NRXN3: variants seen among roughly 807,000 people sequenced by gnomAD.
NRXN3 encodes the protein neurexin 3, also known as neurexin III.
A neutral mutation model predicts 137.6 loss-of-function variants in NRXN3; 32 were observed. The ratio of observed to expected loss-of-function variants is 0.23; its 90% CI spans 0.18 to 0.31. NRXN3 has a LOEUF of 0.31. Among genes scored for constraint, NRXN3 ranks in the 10% least tolerant of loss-of-function variants. The pLI is 1.00. For synonymous variants in NRXN3, 798 were observed against 784.5 expected (o/e 1.02, Z -0.29); for missense variants, 1,574 against 2,062.5 (o/e 0.76, Z 4.59).
rs2098444689 is a variant in NRXN3, at chr14:79,644,263, C to T, written c.3445-19515C>T. Among the ~76,000 whole-genome samples the T allele has an allele frequency of 1.5e-5, 2 of 135,402 alleles. 1 individual carries two copies. Among genetic ancestry groups the T allele is most frequent in the Admixed American group, 1.6e-4 (2 of 12,786 alleles). 88.8% of individuals were successfully genotyped at this position (135,402 alleles called of 152,430 possible). A position where few individuals can be genotyped will look rare whatever the true frequency, so the allele number is the denominator to read the frequency against. On this transcript the variant is annotated intron_variant, in intron 16 of 20. Coordinates refer to ENST00000335750, the MANE Select transcript of NRXN3 (RefSeq NM_001330195.2). ...ATTACATATGTACTATTTTTTATCT[C>T]TATAAGTATTCTAGTTTGTCTAGAT...
chr14:78,890,967 A>G (rs2099157188), intron 10 of NRXN3, among the ~76,000 whole-genome samples: 1 of 151,974 alleles, frequency 6.6e-6, no homozygotes, highest in Non-Finnish European at 1.5e-5. Context: ...AAAATATGCT[A>G]AAAGTAAGGC....
chr14:79,467,137 T>G, intron 15 of NRXN3, 84 bp from the exon 16 acceptor site: 1 of 1,308,752 alleles, frequency 7.6e-7, no homozygotes, highest in Non-Finnish European at 1.0e-6. Context: ...CTGCAGCTGT[T>G]CTGTGTAGGG....
chr14:79,271,903 T>C (rs2153426687), intron 15 of NRXN3, among the ~76,000 whole-genome samples: 1 of 152,322 alleles, frequency 6.6e-6, no homozygotes, highest in African/African-American at 2.4e-5. Flanking sequence ...CTCAAAACTA[T>C]TCTATGAGGT....
At chr14:78,509,242 T>C (rs769796445) in intron 4 of NRXN3, among the ~76,000 whole-genome samples, 2 of 152,120 alleles carry the variant, frequency 1.3e-5, no homozygotes, top group Non-Finnish European at 2.9e-5. Flanking sequence ...GAGGTTACAG[T>C]GAGCCAAGAT....
In NRXN3 at chr14:78,300,555, A is replaced by ATGTCTCTTTGTGTGTTTGC; in HGVS notation, c.757+2696_757+2714dup. Reference sequence around the variant, plus strand: ...TGTGAGTTTTTGTTTTGTGTGTTTTATGTCTCTTTGTGTGTTTGCAGTGTG... The same window carrying ATGTCTCTTTGTGTGTTTGC: ...TGTGAGTTTTTGTTTTGTGTGTTTTATGTCTCTTTGTGTGTTTGCTGTCTCTTTGTGTGTTTGCAGTGTG... On this transcript the variant is annotated intron_variant, in intron 4 of 20. Transcript: ENST00000335750. 3 of 637,870 alleles carry ATGTCTCTTTGTGTGTTTGC rather than the reference A, an allele frequency of 4.7e-6. No individual in the cohort carries two copies. In the East Asian group the frequency reaches 8.3e-5, roughly 18 times the overall value. 39.5% of individuals were successfully genotyped at this position (637,870 alleles called of 1,614,324 possible).
At chr14:79,428,196 A>G (rs2095687306) in intron 15 of NRXN3, among the ~76,000 whole-genome samples, 1 of 152,156 alleles carries the variant, frequency 6.6e-6, no homozygotes, top group South Asian at 2.1e-4. Flanking sequence ...TCTGATTTCA[A>G]ATAGCCCATT....
At chr14:79,816,402 T>A (rs1305237577) in intron 20 of NRXN3, among the ~76,000 whole-genome samples, 3 of 152,206 alleles carry the variant, frequency 2.0e-5, no homozygotes, top group Admixed American at 6.5e-5. Context: ...AAATGGAGTT[T>A]AAATGTATTA....
intron 10 of NRXN3, among the ~76,000 whole-genome samples, chr14:78,944,254 A>G (rs2099360970): frequency 6.6e-6 from 1 of 152,188 alleles, no homozygotes; most frequent in African/African-American, 2.4e-5. Context: ...GCACCAGTTT[A>G]CAGTGTAGAG....
intron 4 of NRXN3, among the ~76,000 whole-genome samples, chr14:78,388,612 T>C (rs1417465190): frequency 2.0e-5 from 3 of 152,192 alleles, no homozygotes; most frequent in African/African-American, 4.8e-5. Flanking sequence ...CTACTTTTGC[T>C]CTACGATGGT....
At chr14:79,060,890 C>T (rs1290790918) in intron 15 of NRXN3, among the ~76,000 whole-genome samples, 2 of 151,874 alleles carry the variant, frequency 1.3e-5, no homozygotes, top group African/African-American at 4.8e-5. Flanking sequence ...CATGGCTGTT[C>T]GCTCTCTCAG....
intron 19 of NRXN3, among the ~76,000 whole-genome samples, chr14:79,787,466 G>C (rs890174046): frequency 1.2e-4 from 19 of 152,072 alleles, no homozygotes; most frequent in African/African-American, 4.6e-4. Flanking sequence ...ATTAACTCTA[G>C]TCACCATGCT....
intron 15 of NRXN3, among the ~76,000 whole-genome samples, chr14:79,189,393 G>C (rs796373258): frequency 3.4e-5 from 4 of 119,144 alleles, no homozygotes; most frequent in African/African-American, 9.4e-5. Context: ...GTTGTGGGGT[G>C]GGGGGAGGGG....
intron 16 of NRXN3, among the ~76,000 whole-genome samples, chr14:79,540,845 G>A (rs977453518): frequency 1.3e-5 from 2 of 152,118 alleles, no homozygotes; most frequent in African/African-American, 2.4e-5. Context: ...TATAGCTGGA[G>A]GAGTGTCTGA....
intron 15 of NRXN3, among the ~76,000 whole-genome samples, chr14:79,169,538 T>A (rs2061585842): frequency 6.6e-6 from 1 of 152,082 alleles, no homozygotes; most frequent in African/African-American, 2.4e-5. Context: ...AATACTTACC[T>A]TTGTCACTTT....
intron 2 of NRXN3, among the ~76,000 whole-genome samples, chr14:78,261,019 G>A (rs957322034): frequency 6.6e-6 from 1 of 152,192 alleles, no homozygotes; most frequent in African/African-American, 2.4e-5. Flanking sequence ...GAAGGAGGTG[G>A]TGGTTGTCCT....
chr14:79,748,592 T>A (rs550432010), intron 19 of NRXN3, among the ~76,000 whole-genome samples: 2 of 152,268 alleles, frequency 1.3e-5, no homozygotes, highest in South Asian at 4.1e-4. Context: ...TTATGGACGA[T>A]GCATTTGAAG....
chr14:79,045,511 G>A (rs2152550131), intron 15 of NRXN3, among the ~76,000 whole-genome samples: 1 of 152,214 alleles, frequency 6.6e-6, no homozygotes, highest in East Asian at 1.9e-4. Flanking sequence ...CTGAGGCAGG[G>A]CTTTCCCTAA....
Position 78,928,544 on chromosome 14 carries a change from T to C in NRXN3, c.2276-28698T>C, listed in dbSNP as rs540248712. Among the ~76,000 whole-genome samples the C allele has an allele frequency of 6.6e-5, 10 of 152,208 alleles. No individual in the cohort carries two copies. The East Asian group carries it at 1.5e-3, about 24-fold the overall frequency. On this transcript the variant is annotated intron_variant, in intron 10 of 20. Transcript: ENST00000335750. ...CAATTCCAACCTGTGAGTGAGAACA[T>C]GCGGTGTTTGGTTTTTTGTCCTTGC...
At chr14:79,139,618 A>C (rs934508837) in intron 15 of NRXN3, among the ~76,000 whole-genome samples, 1 of 152,086 alleles carries the variant, frequency 6.6e-6, no homozygotes, top group African/African-American at 2.4e-5. Flanking sequence ...AAAGCCCTAC[A>C]TTGACCATAT....
Sources: gnomAD v4.1 joint callset for allele counts (sites outside exome capture counted in the v4.1 genomes callset) on GRCh38, gnomAD v4.1.1 for gene constraint, MANE v1.5 for transcripts, NCBI Gene and HGNC (gene_info 2026-07-23, HGNC 2026-07-21) for gene names.